Variants in TRAPPC9 observed in about 807,000 individuals in gnomAD.
The protein encoded by TRAPPC9 is IKK2 binding protein.
A neutral mutation model predicts 124.0 loss-of-function variants in TRAPPC9; 83 were observed. That is an observed-to-expected ratio of 0.67 (90% confidence interval 0.56 to 0.80). The LOEUF is 0.80. TRAPPC9 is among the 30% of genes least tolerant of loss of function. The pLI, the probability that TRAPPC9 is intolerant of heterozygous loss-of-function variation, is 0.00. For synonymous variants in TRAPPC9, 638 were observed against 617.5 expected, an observed-to-expected ratio of 1.03 and a Z score of -0.49; for missense variants, 1,302 against 1,508.3, an observed-to-expected ratio of 0.86 and a Z score of 2.27.
chr8:140,418,581 A>G (rs1411721385), intron 5 of TRAPPC9, among the ~76,000 whole-genome samples: 1 of 152,112 alleles, frequency 6.6e-6, no homozygotes, highest in African/African-American at 2.4e-5. Flanking sequence ...ATTAGCTGGG[A>G]GCAGTGGCAC....
chr8:140,065,115 C>T (rs995086993), intron 17 of TRAPPC9, among the ~76,000 whole-genome samples: 2 of 152,292 alleles, frequency 1.3e-5, no homozygotes, highest in South Asian at 4.2e-4. Context: ...TGTATTGATG[C>T]TCCTTACCAC....
chr8:139,889,281 A>G (rs1830193187), intron 20 of TRAPPC9, among the ~76,000 whole-genome samples: 1 of 152,126 alleles, frequency 6.6e-6, no homozygotes, highest in African/African-American at 2.4e-5. Context: ...TGGGCGGGGC[A>G]GGGAAATGGA....
chr8:139,780,432 T>C (rs1396494098), intron 21 of TRAPPC9, among the ~76,000 whole-genome samples: 1 of 152,102 alleles, frequency 6.6e-6, no homozygotes, highest in East Asian at 1.9e-4. Flanking sequence ...AGAGAAAATA[T>C]AGCCTTTTAA....
intron 17 of TRAPPC9, among the ~76,000 whole-genome samples, chr8:140,145,490 T>C (rs561721699): frequency 1.3e-5 from 2 of 152,314 alleles, no homozygotes; most frequent in South Asian, 2.1e-4. Context: ...GCTGTTATTA[T>C]AAATAAATGG....
chr8:139,741,265 C>A lies in TRAPPC9; in HGVS notation c.3056-9063G>T, dbSNP rs139645302. 2.3e-3 allele frequency among the ~76,000 whole-genome samples: 345 copies of A among 152,350 alleles called. 1 individual carries two copies. The highest frequency in any genetic ancestry group is 5.6e-3 in the African/African-American group (234 of 41,586). On this transcript the variant is annotated intron_variant, in intron 21 of 22. Transcript: ENST00000438773. ...TCTGGTTGTCAACAATGCCTGACTT[C>A]TTGAGCACTCGCTGTCTTCCAGGCC...
At chr8:140,232,780 C>T (rs763059903) in intron 16 of TRAPPC9, among the ~76,000 whole-genome samples, 2 of 152,142 alleles carry the variant, frequency 1.3e-5, no homozygotes, top group Non-Finnish European at 2.9e-5. Flanking sequence ...AAGAAAGCCA[C>T]AGAAATAGCT....
chr8:140,428,867 G>A (rs1302242839), intron 4 of TRAPPC9, among the ~76,000 whole-genome samples: 3 of 152,012 alleles, frequency 2.0e-5, no homozygotes, highest in Admixed American at 6.6e-5. Context: ...AATGCAAACC[G>A]CAGTGCACTC....
intron 21 of TRAPPC9, among the ~76,000 whole-genome samples, chr8:139,855,399 T>C (rs1007523084): frequency 6.6e-6 from 1 of 152,180 alleles, no homozygotes; most frequent in African/African-American, 2.4e-5. Context: ...TACCTTGCCA[T>C]GTCACTTCCT....
intron 17 of TRAPPC9, among the ~76,000 whole-genome samples, chr8:140,108,518 C>T (rs1305219958): frequency 6.6e-6 from 1 of 152,246 alleles, no homozygotes; most frequent in East Asian, 1.9e-4. Context: ...TCCCGCTCGC[C>T]CCCCTTGCCC....
intron 21 of TRAPPC9, among the ~76,000 whole-genome samples, chr8:139,866,211 A>C (rs551336671): frequency 1.3e-5 from 2 of 152,270 alleles, no homozygotes; most frequent in African/African-American, 4.8e-5. Flanking sequence ...TCCTTATCAG[A>C]CCTAAATGTG....
At chr8:140,332,032 C>T (rs1180112392) in intron 9 of TRAPPC9, among the ~76,000 whole-genome samples, 1 of 152,068 alleles carries the variant, frequency 6.6e-6, no homozygotes, top group Admixed American at 6.5e-5. Flanking sequence ...CCATGTCTAC[C>T]GCAGCACTAA....
intron 17 of TRAPPC9, among the ~76,000 whole-genome samples, chr8:140,111,156 T>A (rs1281051119): frequency 4.7e-5 from 7 of 150,230 alleles, no homozygotes; most frequent in Non-Finnish European, 1.0e-4. Flanking sequence ...GTGTGCTGCC[T>A]GTTTCCTGTG....
rs1304831199 is a variant in TRAPPC9, at chr8:140,087,871, C to A, written c.2557-63792G>T. On this transcript the variant is annotated intron_variant, in intron 17 of 22. Coordinates refer to ENST00000438773, the MANE Select transcript of TRAPPC9 (RefSeq NM_001160372.4). This position sits in a 1 kb window ranked among gnomAD's most constrained non-coding sequence, Gnocchi z 4.6. Reference sequence around the variant, plus strand: ...TCGCCGCCAGCCCCAGAAAAACCCACCATCACTGACAAGGTCCTGGAGAGC... The same window carrying A: ...TCGCCGCCAGCCCCAGAAAAACCCAACATCACTGACAAGGTCCTGGAGAGC... 6.6e-6 allele frequency among the ~76,000 whole-genome samples: 1 copy of A among 152,146 alleles called. No homozygotes were observed. Among genetic ancestry groups the A allele is most frequent in the Non-Finnish European group, 1.5e-5 (1 of 68,030 alleles).
intron 21 of TRAPPC9, among the ~76,000 whole-genome samples, chr8:139,874,014 C>T (rs1829164779): frequency 1.3e-5 from 2 of 152,220 alleles, no homozygotes; most frequent in South Asian, 2.1e-4. Flanking sequence ...CCGTTCTTCT[C>T]GGCAGGAGCA....
At position 139,788,138 on chromosome 8, in the gene TRAPPC9, G is replaced by T. The variant is rs1248089456; in HGVS notation, c.3056-55936C>A. Among the ~76,000 whole-genome samples the T allele has an allele frequency of 2.0e-5, 3 of 152,076 alleles. No homozygotes were observed. Among genetic ancestry groups the T allele is most frequent in the African/African-American group, 7.2e-5 (3 of 41,410 alleles). On this transcript the variant is annotated intron_variant, in intron 21 of 22. Coordinates refer to ENST00000438773, the MANE Select transcript of TRAPPC9 (RefSeq NM_001160372.4). The surrounding 1 kb of genome is among the most constrained non-coding windows in gnomAD (Gnocchi z 4.9). ...ACTGGTTTCTGCTGGGGACAATGAT[G>T]ACAACACCCTAAGTCCCACAGGACC...
rs531790214 is a variant in TRAPPC9 at position 140,104,632 on chromosome 8, G to A, written c.2557-80553C>T. On this transcript the variant is annotated intron_variant, in intron 17 of 22. Transcript: ENST00000438773. This position sits in a 1 kb window ranked among gnomAD's most constrained non-coding sequence, Gnocchi z 4.0. ...GAGGCAGGGAGATGACAACGCAGGC[G>A]GCAGGAATGCTGCGTCACACACAGG... 2.0e-5 allele frequency among the ~76,000 whole-genome samples: 3 copies of A among 152,152 alleles called. No individual in the cohort carries two copies. The highest frequency in any genetic ancestry group is 4.4e-5 in the Non-Finnish European group (3 of 67,996).
At chr8:139,922,096 G>C (rs116985643) in intron 19 of TRAPPC9, among the ~76,000 whole-genome samples, 3,974 of 152,102 alleles carry the variant, frequency 0.026, 80 homozygotes, top group Admixed American at 0.064. Context: ...ACTATAGAGA[G>C]TGAGAATATT....
intron 1 of TRAPPC9, chr8:140,456,779 G>A (rs2071681211): frequency 1.0e-5 from 10 of 985,162 alleles, no homozygotes; most frequent in Non-Finnish European, 1.2e-5. Flanking sequence ...AGGGATGGAA[G>A]GGAAGTCACT....
At chr8:140,429,859 G>A (rs1052880922) in intron 4 of TRAPPC9, among the ~76,000 whole-genome samples, 6 of 150,730 alleles carry the variant, frequency 4.0e-5, no homozygotes, top group Non-Finnish European at 5.9e-5. Flanking sequence ...TTCAACAGAT[G>A]TTATCAGCCA....
Sources: allele counts gnomAD v4.1 joint callset (sites outside exome capture counted in the v4.1 genomes callset), GRCh38; gene constraint gnomAD v4.1.1; non-coding constraint Gnocchi (gnomAD v3.1); transcripts MANE v1.5; gene names NCBI Gene and HGNC (gene_info 2026-07-23, HGNC 2026-07-21).